Variants in AGPAT3 observed in about 807,000 individuals in gnomAD.
AGPAT3 encodes the protein 1-acyl-sn-glycerol-3-phosphate acyltransferase gamma.
In AGPAT3, 5 loss-of-function variants were observed where a neutral mutation model predicts 47.3. The observed-to-expected ratio is 0.11, with a 90% confidence interval of 0.06 to 0.22. The LOEUF (loss-of-function observed/expected upper bound fraction) is 0.22, where lower values mean the gene tolerates loss of function less well. AGPAT3 is among the 10% of genes least tolerant of loss of function. The probability of loss-of-function intolerance (pLI) is 1.00; values close to 1 mark genes in which losing one functional copy is unlikely to be tolerated. For missense variants in AGPAT3, 315 were observed against 493.0 expected (o/e 0.64, Z 3.42); for synonymous variants, 212 against 208.3 (o/e 1.02, Z -0.15).
chr21:43,877,632 C>T (rs540543491), intron 1 of AGPAT3, among the ~76,000 whole-genome samples: 8 of 151,940 alleles, frequency 5.3e-5, no homozygotes, highest in Non-Finnish European at 7.4e-5. Flanking sequence ...TTAATAGAGA[C>T]GGGGTTTCTC....
intron 1 of AGPAT3, among the ~76,000 whole-genome samples, chr21:43,879,804 T>C (rs575197642): frequency 2.0e-5 from 3 of 152,294 alleles, no homozygotes; most frequent in Non-Finnish European, 4.4e-5. Context: ...CTGCAATCAA[T>C]GAGCACCACG....
chr21:43,963,957 A>G (rs2089003398), intron 3 of AGPAT3, among the ~76,000 whole-genome samples: 1 of 152,198 alleles, frequency 6.6e-6, no homozygotes, highest in Admixed American at 6.5e-5. Context: ...TACTGCCCAT[A>G]GATCTTCACT....
chr21:43,916,839 T>C (rs1003713201), intron 2 of AGPAT3, among the ~76,000 whole-genome samples: 2 of 152,208 alleles, frequency 1.3e-5, no homozygotes, highest in Admixed American at 1.3e-4. Context: ...TGGTTTCTGC[T>C]CTTGCCTCTC....
chr21:43,885,425 G>A (rs1195532252), intron 1 of AGPAT3, among the ~76,000 whole-genome samples: 2 of 133,578 alleles, frequency 1.5e-5, no homozygotes, highest in Non-Finnish European at 3.1e-5. Flanking sequence ...GTCTTGCTCT[G>A]TCACCCATGC....
At chr21:43,875,759 C>T (rs1241811873) in intron 1 of AGPAT3, among the ~76,000 whole-genome samples, 1 of 152,222 alleles carries the variant, frequency 6.6e-6, no homozygotes, top group Non-Finnish European at 1.5e-5. Context: ...AGGTGCCCAC[C>T]ACCATGCCCG....
rs746075068 is a variant in AGPAT3 at position 43,954,308 on chromosome 21, G to A, written c.-48-5326G>A. Among the ~76,000 whole-genome samples the A allele has an allele frequency of 2.6e-5, 4 of 152,212 alleles. No homozygotes were observed. The highest frequency in any genetic ancestry group is 4.4e-5 in the Non-Finnish European group (3 of 68,044). The stretch of plus-strand genomic sequence containing the variant: ...AGGTTTATCAAGGAGGTCCAGGCGG[G>A]CTGGGTGTGGGGAGGTGGAACAGGG... On this transcript the variant is annotated intron_variant, in intron 2 of 9. Transcript: ENST00000291572. This position sits in a 1 kb window ranked among gnomAD's most constrained non-coding sequence, Gnocchi z 4.0.
chr21:43,957,058 C>G (rs944648843), intron 2 of AGPAT3, among the ~76,000 whole-genome samples: 2 of 152,142 alleles, frequency 1.3e-5, no homozygotes, highest in Admixed American at 1.3e-4. Flanking sequence ...TCTGGGGAGC[C>G]AAGGGCCCAG....
intron 1 of AGPAT3, among the ~76,000 whole-genome samples, chr21:43,889,792 A>G (rs549510380): frequency 6.6e-6 from 1 of 152,358 alleles, no homozygotes; most frequent in South Asian, 2.1e-4. Flanking sequence ...TGATTGCTAA[A>G]AAATGCTAAT....
chr21:43,944,367 G>A (rs2087788988), intron 2 of AGPAT3, among the ~76,000 whole-genome samples: 1 of 152,252 alleles, frequency 6.6e-6, no homozygotes, highest in South Asian at 2.1e-4. Context: ...GGAATCTGGA[G>A]CAGAGAGAGA....
chr21:43,935,489 A>T (rs2087414071), intron 2 of AGPAT3, among the ~76,000 whole-genome samples: 1 of 152,234 alleles, frequency 6.6e-6, no homozygotes, highest in Non-Finnish European at 1.5e-5. Context: ...TTTTACAGTG[A>T]GAAGTGGCCT....
intron 2 of AGPAT3, among the ~76,000 whole-genome samples, chr21:43,956,858 A>G (rs3788092): frequency 0.48 from 72,439 of 152,184 alleles, 17,668 homozygotes; most frequent in African/African-American, 0.59. Context: ...AGCCAGGCAG[A>G]AACTGTCCTT....
At chr21:43,896,943 GTTTTT>G (rs61657564) in intron 1 of AGPAT3, among the ~76,000 whole-genome samples, 2 of 42,338 alleles carry the variant, frequency 4.7e-5, no homozygotes, top group African/African-American at 1.1e-4. Flanking sequence ...TTGACAGTCC[GTTTTT>G]TTTTTTTTTT....
chr21:43,884,329 C>T (rs772141191), intron 1 of AGPAT3, among the ~76,000 whole-genome samples: 5 of 147,754 alleles, frequency 3.4e-5, no homozygotes, highest in East Asian at 2.1e-4. Context: ...CATAGATAAG[C>T]GGTTTCTAAT....
At chr21:43,878,328 CTT>C (rs1270304570) in intron 1 of AGPAT3, among the ~76,000 whole-genome samples, 1 of 152,258 alleles carries the variant, frequency 6.6e-6, no homozygotes, top group Non-Finnish European at 1.5e-5. Context: ...CACACACACA[CTT>C]AATGCACAAC....
At chr21:43,957,260 TG>T (rs2088518959) in intron 2 of AGPAT3, among the ~76,000 whole-genome samples, 1 of 87,056 alleles carries the variant, frequency 1.1e-5, no homozygotes, top group South Asian at 4.3e-4. Context: ...GCGGGTGGGG[TG>T]GGCGCCCATG....
intron 1 of AGPAT3, among the ~76,000 whole-genome samples, chr21:43,875,981 G>A (rs1030994518): frequency 3.3e-5 from 5 of 151,952 alleles, no homozygotes; most frequent in African/African-American, 1.2e-4. Flanking sequence ...TAGAGATGGG[G>A]TCTTGCTATG....
intron 2 of AGPAT3, among the ~76,000 whole-genome samples, chr21:43,928,819 C>A (rs1005301332): frequency 5.9e-5 from 9 of 152,278 alleles, no homozygotes; most frequent in Admixed American, 2.0e-4. Flanking sequence ...ACAGATGAGG[C>A]GCTGTCTAAT....
intron 2 of AGPAT3, among the ~76,000 whole-genome samples, chr21:43,953,683 G>A (rs2088311318): frequency 6.6e-6 from 1 of 152,178 alleles, no homozygotes; most frequent in African/African-American, 2.4e-5. Context: ...TTTTTTGTGG[G>A]GTTTGAAAAC....
In AGPAT3 at chr21:43,961,426, G is replaced by A. The variant is rs56739534; in HGVS notation, c.178+1567G>A. 3.1e-4 allele frequency among the ~76,000 whole-genome samples: 27 copies of A among 86,106 alleles called. 1 individual carries two copies. The highest frequency in any genetic ancestry group is 1.8e-4 in the Non-Finnish European group (7 of 38,802). The allele number at this position is 86,106 out of a possible 152,430, so 56.5% of individuals were successfully genotyped here. A position where few individuals can be genotyped will look rare whatever the true frequency, so the allele number is the denominator to read the frequency against. On this transcript the variant is annotated intron_variant, in intron 3 of 9. Coordinates refer to ENST00000291572, the MANE Select transcript of AGPAT3 (RefSeq NM_020132.5). ...TTGTCTCATATGGGAAACGGTGAGC[G>A]CATAGACACTTTGTCTCATGTGGGA...
Sources: gnomAD v4.1 joint callset for allele counts (sites outside exome capture counted in the v4.1 genomes callset) on GRCh38, gnomAD v4.1.1 for gene constraint, Gnocchi (gnomAD v3.1) non-coding constraint, MANE v1.5 for transcripts, NCBI Gene and HGNC (gene_info 2026-07-23, HGNC 2026-07-21) for gene names.